Variants in NCOR1 observed in about 807,000 individuals in gnomAD.
NCOR1 encodes nuclear receptor corepressor 1.
NCOR1 carries 63 observed loss-of-function variants against 288.1 expected under a neutral mutation model. The observed-to-expected ratio is 0.22, with a 90% CI of 0.18 to 0.27. NCOR1 has a LOEUF of 0.27. Ranked by LOEUF, NCOR1 falls within the 10% of genes least tolerant of loss-of-function variation. The pLI, the probability that NCOR1 is intolerant of heterozygous loss-of-function variation, is 1.00. For missense variants in NCOR1, 2,397 were observed against 3,019.2 expected (o/e 0.79, Z 4.83); for synonymous variants, 1,007 against 1,065.9 (o/e 0.94, Z 1.08).
chr17:16,050,067 T>C (rs181820089), intron 40 of NCOR1, among the ~76,000 whole-genome samples: 2 of 152,028 alleles, frequency 1.3e-5, no homozygotes, highest in East Asian at 3.9e-4. Flanking sequence ...ATATTTTTAT[T>C]ATATGTTTTA....
At chr17:16,070,135 G>GT in intron 31 of NCOR1, 30 bp downstream of exon 31, 1 of 1,459,656 alleles carries the variant, frequency 6.9e-7, no homozygotes, top group Non-Finnish European at 9.2e-7. Flanking sequence ...GCAATAAAAA[G>GT]TATCAGACCA....
rs1054008312 is a variant in NCOR1 at position 16,126,053 on chromosome 17, C to T, written c.1634+29G>A. On this transcript the variant is annotated intron_variant, in intron 15 of 45. Coordinates refer to ENST00000268712, the MANE Select transcript of NCOR1 (RefSeq NM_006311.4). ...AAATAAAATAAAAATAAACATTTAA[C>T]TTATTATATAACTAATTATTTAACT... The T allele has an allele frequency of 6.8e-6, 7 of 1,031,094 alleles. No homozygotes were observed. In the African/African-American group the frequency reaches 1.2e-4, roughly 17 times the overall value. The allele number at this position is 1,031,094 out of a possible 1,614,324, so 63.9% of individuals were successfully genotyped here.
At position 16,125,441 on chromosome 17, in the gene NCOR1, A is replaced by C. The variant is rs574196577; in HGVS notation, c.1634+641T>G. On this transcript the variant is annotated intron_variant, in intron 15 of 45. Coordinates refer to ENST00000268712, the MANE Select transcript of NCOR1 (RefSeq NM_006311.4). The stretch of plus-strand genomic sequence containing the variant: ...ATTACTAGGCTGGGCGCAGTGGCTC[A>C]CGTCTATAATCCCAGCACTTTGGGA... Among the ~76,000 whole-genome samples the C allele has an allele frequency of 6.6e-5, 10 of 152,196 alleles. No individual in the cohort carries two copies. The South Asian group carries it at 2.1e-3, about 32-fold the overall frequency.
At chr17:16,059,002 T>C (rs1445126240) in intron 37 of NCOR1, among the ~76,000 whole-genome samples, 3 of 145,546 alleles carry the variant, frequency 2.1e-5, no homozygotes, top group Admixed American at 7.0e-5. Context: ...TGAGCTGAGA[T>C]TGTGTCATTG....
chr17:16,056,047 A>G (rs1284718222), intron 40 of NCOR1, among the ~76,000 whole-genome samples: 1 of 152,158 alleles, frequency 6.6e-6, no homozygotes, highest in African/African-American at 2.4e-5. Context: ...CTACTTTTGT[A>G]TGTATTTGAA....
chr17:16,099,573 T>C (rs2067237014), intron 20 of NCOR1, among the ~76,000 whole-genome samples: 1 of 152,238 alleles, frequency 6.6e-6, no homozygotes, highest in South Asian at 2.1e-4. Context: ...TTAGGATGTT[T>C]ACCATTTAAA....
chr17:16,152,549 A>G (rs945545828), intron 7 of NCOR1, among the ~76,000 whole-genome samples: 7 of 152,130 alleles, frequency 4.6e-5, no homozygotes, highest in African/African-American at 1.7e-4. Flanking sequence ...AATCCAGTCT[A>G]TCATTGATGG....
chr17:16,121,238 C>A lies in NCOR1; in HGVS notation c.1666G>T (p.Gly556Cys). ...CTTTCCTCAGTTTCTTCTGCTGTAC[C>A]ATCTATCTTGTCCTTTTCCTTGGTA... ...ENTKEKDKID[G>C]TAEETEEREQ... is the part of the protein sequence containing the mutation. The change falls in exon 16 of 46, where the codon GGT becomes TGT. Residue 556 changes from glycine (G) to cysteine (C), a missense_variant. Gly to Cys is a radical substitution (Grantham distance 159). Transcript: ENST00000268712. The A allele has an allele frequency of 1.2e-6, 2 of 1,613,918 alleles. No homozygotes were observed. The highest frequency in any genetic ancestry group is 8.5e-7 in the Non-Finnish European group (1 of 1,180,016).
At chr17:16,162,984 T>C (rs1165509645) in intron 5 of NCOR1, among the ~76,000 whole-genome samples, 4 of 151,984 alleles carry the variant, frequency 2.6e-5, no homozygotes, top group Non-Finnish European at 5.9e-5. Context: ...CCCAGGGGGT[T>C]TTCATATAAA....
intron 27 of NCOR1, among the ~76,000 whole-genome samples, 193 bp downstream of exon 27, chr17:16,075,341 T>C (rs916286390): frequency 6.6e-6 from 1 of 152,220 alleles, no homozygotes; most frequent in Non-Finnish European, 1.5e-5. Flanking sequence ...GCGTTGTTAA[T>C]TACTTTTTAT....
intron 14 of NCOR1, among the ~76,000 whole-genome samples, chr17:16,128,098 G>A (rs1430900169): frequency 6.6e-6 from 1 of 151,984 alleles, no homozygotes; most frequent in Non-Finnish European, 1.5e-5. Flanking sequence ...ATTTAATTCA[G>A]AAATCAAAAC....
At position 16,162,133 on chromosome 17, in the gene NCOR1, C is replaced by T. The variant is rs544926464; in HGVS notation, c.618+2846G>A. 4.0e-5 allele frequency among the ~76,000 whole-genome samples: 6 copies of T among 151,756 alleles called. No individual in the cohort carries two copies. In the East Asian group the frequency reaches 9.7e-4, roughly 24 times the overall value. The stretch of plus-strand genomic sequence containing the variant: ...ATGACCAGGCAGATTTGAGAAGGAG[C>T]CAAACAGAAATTCCAGCAATAAAAA... On this transcript the variant is annotated intron_variant, in intron 5 of 45. Coordinates refer to ENST00000268712, the MANE Select transcript of NCOR1 (RefSeq NM_006311.4).
At chr17:16,164,050 G>A (rs922086771) in intron 5 of NCOR1, among the ~76,000 whole-genome samples, 1 of 152,176 alleles carries the variant, frequency 6.6e-6, no homozygotes, top group South Asian at 2.1e-4. Context: ...TGATAAAAAT[G>A]TTCTAGAATT....
intron 17 of NCOR1, 96 bp from the exon 18 acceptor site, chr17:16,118,123 C>G: frequency 7.9e-7 from 1 of 1,258,882 alleles, no homozygotes; most frequent in Non-Finnish European, 1.1e-6. Context: ...TATTCACAAC[C>G]ATTGACACTA....
At chr17:16,079,914 C>G in intron 26 of NCOR1, 50 bp downstream of exon 26, 1 of 1,470,118 alleles carries the variant, frequency 6.8e-7, no homozygotes, top group Non-Finnish European at 9.5e-7. Flanking sequence ...AATTATTTAT[C>G]ATTTTTTCCT....
intron 3 of NCOR1, among the ~76,000 whole-genome samples, chr17:16,177,014 A>T (rs1014698170): frequency 6.6e-6 from 1 of 151,992 alleles, no homozygotes; most frequent in Non-Finnish European, 1.5e-5. Flanking sequence ...CTTATAGTAT[A>T]CTGGATGATC....
At chr17:16,172,340 T>G (rs1000677917) in intron 3 of NCOR1, among the ~76,000 whole-genome samples, 1 of 151,548 alleles carries the variant, frequency 6.6e-6, no homozygotes, top group African/African-American at 2.4e-5. Flanking sequence ...TGGGCAACAA[T>G]GTGAGACTCC....
intron 2 of NCOR1, among the ~76,000 whole-genome samples, chr17:16,191,547 G>T (rs149833461): frequency 4.7e-4 from 72 of 151,650 alleles, no homozygotes; most frequent in African/African-American, 1.7e-3. Flanking sequence ...CAGAAGAAAG[G>T]ATCACTGACT....
intron 43 of NCOR1, 150 bp from the exon 44 acceptor site, chr17:16,039,804 T>G (rs1177970308): frequency 1.5e-6 from 1 of 687,356 alleles, no homozygotes; most frequent in South Asian, 1.9e-5. Context: ...ACCTTTTTTT[T>G]TGGAGACAGA....
Sources: allele counts gnomAD v4.1 joint callset (sites outside exome capture counted in the v4.1 genomes callset), GRCh38; gene constraint gnomAD v4.1.1; transcripts MANE v1.5; gene names NCBI Gene and HGNC (gene_info 2026-07-23, HGNC 2026-07-21).